The following MAGI2 variants were observed in gnomAD, a reference collection of about 807,000 sequenced individuals.
MAGI2 encodes the protein membrane-associated guanylate kinase, WW and PDZ domain-containing protein 2.
MAGI2 carries 35 observed loss-of-function variants against 133.3 expected under a neutral mutation model. That is an observed-to-expected ratio of 0.26 (90% CI 0.20 to 0.35). The LOEUF is 0.35. MAGI2 is among the 10% of genes least tolerant of loss of function. MAGI2 has a pLI of 1.00. For synonymous variants in MAGI2, 729 were observed against 710.6 expected (o/e 1.03, Z -0.41); for missense variants, 1,636 against 1,863.4 (o/e 0.88, Z 2.25).
chr7:78,590,508 T>C, intron 3 of MAGI2, among the ~76,000 whole-genome samples: 1 of 152,176 alleles, frequency 6.6e-6, no homozygotes, highest in Non-Finnish European at 1.5e-5. Context: ...GTGCTGGCTG[T>C]GAATAAACTA....
intron 1 of MAGI2, among the ~76,000 whole-genome samples, chr7:79,329,119 A>G (rs1839895451): frequency 6.6e-6 from 1 of 152,190 alleles, no homozygotes; most frequent in African/African-American, 2.4e-5. Flanking sequence ...CCAACATACT[A>G]CATAGTCACA....
intron 20 of MAGI2, among the ~76,000 whole-genome samples, chr7:78,086,079 G>A (rs1415079722): frequency 6.6e-6 from 1 of 152,170 alleles, no homozygotes; most frequent in Admixed American, 6.5e-5. Flanking sequence ...TACTGTGGAA[G>A]TAGTTGAGCT....
At chr7:79,394,496 A>C (rs1844900677) in intron 1 of MAGI2, among the ~76,000 whole-genome samples, 5 of 152,244 alleles carry the variant, frequency 3.3e-5, no homozygotes, top group Admixed American at 3.3e-4. Context: ...AATTTTACAC[A>C]AATGTGGCAT....
chr7:78,267,875 C>T (rs1358383458), intron 9 of MAGI2, among the ~76,000 whole-genome samples: 1 of 152,132 alleles, frequency 6.6e-6, no homozygotes, highest in Non-Finnish European at 1.5e-5. Context: ...ACACAACAGA[C>T]AAATGGCACG....
At chr7:78,517,542 T>C (rs1169042828) in intron 4 of MAGI2, among the ~76,000 whole-genome samples, 2 of 152,174 alleles carry the variant, frequency 1.3e-5, no homozygotes, top group African/African-American at 2.4e-5. Flanking sequence ...TATAGAATTA[T>C]TATGGGATTA....
At chr7:78,167,842 G>A in intron 15 of MAGI2, 74 bp downstream of exon 15, 1 of 1,388,908 alleles carries the variant, frequency 7.2e-7, no homozygotes, top group Middle Eastern at 1.9e-4. Flanking sequence ...TTTGTTTCAT[G>A]TGGCCTTACC....
chr7:78,848,758 A>G (rs554482535), intron 2 of MAGI2, among the ~76,000 whole-genome samples: 1 of 152,136 alleles, frequency 6.6e-6, no homozygotes, highest in East Asian at 1.9e-4. Flanking sequence ...ACTTTTTGAC[A>G]CTAAGGTCTC....
chr7:78,312,139 AT>A (rs1798764949), intron 9 of MAGI2, among the ~76,000 whole-genome samples: 6 of 152,198 alleles, frequency 3.9e-5, no homozygotes, highest in Admixed American at 3.9e-4. Context: ...TGAAATGGGC[AT>A]TTATATATTG....
At chr7:79,284,269 T>C (rs1048444901) in intron 1 of MAGI2, among the ~76,000 whole-genome samples, 2 of 152,100 alleles carry the variant, frequency 1.3e-5, no homozygotes, top group African/African-American at 4.8e-5. Flanking sequence ...TCCTCCATGA[T>C]AGCTGGAATC....
chr7:78,946,869 T>A (rs745783421), intron 2 of MAGI2: 12 of 152,176 alleles, frequency 7.9e-5, no homozygotes, highest in Non-Finnish European at 1.8e-4. Context: ...TTCTTGACTC[T>A]TATCTTTATT....
At chr7:79,147,174 A>C (rs1822725090) in intron 1 of MAGI2, among the ~76,000 whole-genome samples, 1 of 152,242 alleles carries the variant, frequency 6.6e-6, no homozygotes, top group South Asian at 2.1e-4. Context: ...AAGTTAATAC[A>C]TGCAAAGAAT....
intron 1 of MAGI2, among the ~76,000 whole-genome samples, chr7:79,348,526 T>C (rs1340934894): frequency 6.6e-6 from 1 of 151,984 alleles, no homozygotes; most frequent in Non-Finnish European, 1.5e-5. Context: ...ATCTGCCTTA[T>C]CAATTTCAGT....
intron 4 of MAGI2, among the ~76,000 whole-genome samples, chr7:78,517,230 T>C (rs985416748): frequency 6.6e-6 from 1 of 151,514 alleles, no homozygotes; most frequent in Non-Finnish European, 1.5e-5. Context: ...AAACAATCTG[T>C]AAGATGATGT....
intron 2 of MAGI2, among the ~76,000 whole-genome samples, chr7:78,956,714 A>G (rs1345644960): frequency 6.6e-6 from 1 of 152,176 alleles, no homozygotes; most frequent in Non-Finnish European, 1.5e-5. Flanking sequence ...CAGGGCATAT[A>G]CTACTATTCT....
chr7:78,714,074 A>C (rs1165710892), intron 2 of MAGI2, among the ~76,000 whole-genome samples: 2 of 97,334 alleles, frequency 2.1e-5, no homozygotes, highest in African/African-American at 6.5e-5. Context: ...TGTGGGGGGA[A>C]GAGGTGAAAG....
At chr7:78,657,535 T>C (rs1009349871) in intron 2 of MAGI2, among the ~76,000 whole-genome samples, 2 of 152,192 alleles carry the variant, frequency 1.3e-5, no homozygotes, top group African/African-American at 4.8e-5. Context: ...TAAATGCACA[T>C]TACTAAGTGA....
intron 20 of MAGI2, among the ~76,000 whole-genome samples, chr7:78,105,333 T>C (rs1427313286): frequency 6.6e-6 from 1 of 152,236 alleles, no homozygotes; most frequent in Non-Finnish European, 1.5e-5. Flanking sequence ...AAAGGTCTCC[T>C]GATACACATG....
intron 9 of MAGI2, among the ~76,000 whole-genome samples, chr7:78,306,176 G>A (rs1798231064): frequency 6.6e-6 from 1 of 152,176 alleles, no homozygotes; most frequent in Non-Finnish European, 1.5e-5. Context: ...CTTCTTCTTA[G>A]TTAATTGAAA....
At chr7:78,178,426 A>G (rs547636082) in intron 13 of MAGI2, among the ~76,000 whole-genome samples, 156 of 152,330 alleles carry the variant, frequency 1.0e-3, no homozygotes, top group African/African-American at 3.4e-3. Context: ...ATTGCCCTCA[A>G]GAAGCTAGAC....
Sources: gnomAD v4.1 joint callset for allele counts (sites outside exome capture counted in the v4.1 genomes callset) on GRCh38, gnomAD v4.1.1 for gene constraint, MANE v1.5 for transcripts, NCBI Gene and HGNC (gene_info 2026-07-23, HGNC 2026-07-21) for gene names.